ZNF33A: variants seen among roughly 807,000 people sequenced by gnomAD.
ZNF33A encodes brain my041 protein.
ZNF33A carries 9 observed loss-of-function variants against 15.9 expected under a neutral mutation model. The ratio of observed to expected loss-of-function variants is 0.57; its 90% confidence interval spans 0.34 to 0.99. The LOEUF (loss-of-function observed/expected upper bound fraction) is 0.99. Ranked by LOEUF, ZNF33A falls within the 50% of genes least tolerant of loss-of-function variation. The pLI is 0.02. For synonymous variants in ZNF33A, 294 were observed against 324.2 expected (o/e 0.91, Z 1.00); for missense variants, 843 against 941.6 (o/e 0.90, Z 1.37).
chr10:38,062,428 CTA>C (rs1351105247), downstream of ZNF33A, among the ~76,000 whole-genome samples: 1 of 152,122 alleles, frequency 6.6e-6, no homozygotes, highest in Admixed American at 6.5e-5. Context: ...TGTTGGGACA[CTA>C]TTGAAAAAAA....
chr10:38,053,934 T>C (rs1030939981), intron 4 of ZNF33A, among the ~76,000 whole-genome samples: 3 of 152,210 alleles, frequency 2.0e-5, no homozygotes, highest in Admixed American at 2.0e-4. Flanking sequence ...CTTTTTTCTG[T>C]ATTTGAGTAT....
intron 4 of ZNF33A, among the ~76,000 whole-genome samples, chr10:38,034,551 CTT>C (rs2065355484): frequency 1.3e-5 from 2 of 152,146 alleles, no homozygotes; most frequent in African/African-American, 4.8e-5. Flanking sequence ...TGTTTTATGA[CTT>C]TTGATGTTGG....
In ZNF33A at chr10:38,055,427, C is replaced by T. The variant is rs1224862222; in HGVS notation, c.1303C>T (p.His435Tyr). 2 of 1,613,990 alleles carry T rather than the reference C, an allele frequency of 1.2e-6. No homozygotes were observed. The highest frequency in any genetic ancestry group is 2.7e-5 in the African/African-American group (2 of 74,916). Residue 435 changes from histidine (H) to tyrosine (Y), a missense_variant, in exon 5 of 5, where the codon CAC (histidine) becomes TAC (tyrosine). Transcript: ENST00000432900. The stretch of plus-strand genomic sequence containing the variant: ...TGACCTCACTAAACATCAGAGAACA[C>T]ACACAGGGCTGAAACCCTATGAATG... ...KSDLTKHQRT[H>Y]TGLKPYECYE...
intron 4 of ZNF33A, among the ~76,000 whole-genome samples, chr10:38,022,657 CAAAAAAAAA>C (rs35295191): frequency 2.2e-5 from 2 of 90,932 alleles, no homozygotes; most frequent in African/African-American, 8.5e-5. Flanking sequence ...AACTCTGTCT[CAAAAAAAAA>C]AAAAAAAAAA....
chr10:38,024,169 A>AAAC (rs1222395240), intron 4 of ZNF33A, among the ~76,000 whole-genome samples: 1 of 140,780 alleles, frequency 7.1e-6, no homozygotes, highest in African/African-American at 2.5e-5. Context: ...AAAACAAAAA[A>AAAC]AAAAAAAAAA....
At chr10:38,020,283 T>C (rs1276136882) in intron 4 of ZNF33A, among the ~76,000 whole-genome samples, 1 of 152,184 alleles carries the variant, frequency 6.6e-6, no homozygotes, top group Non-Finnish European at 1.5e-5. Context: ...GTACAGATGT[T>C]TTGATACAGG....
At chr10:38,015,957 A>G (rs1368956938) in intron 2 of ZNF33A, 25 of 1,230,108 alleles carry the variant, frequency 2.0e-5, no homozygotes, top group African/African-American at 4.7e-5. Flanking sequence ...TGGCTCTCCC[A>G]TTTTCACAGC....
At chr10:38,031,090 T>A (rs1030310508) in intron 4 of ZNF33A, among the ~76,000 whole-genome samples, 2 of 152,192 alleles carry the variant, frequency 1.3e-5, no homozygotes, top group African/African-American at 4.8e-5. Flanking sequence ...GCAAAATTTA[T>A]AGAACTAAAT....
chr10:38,055,192 C>T lies in ZNF33A; in HGVS notation c.1068C>T (p.Pro356=). 1 of 1,614,126 alleles carries T rather than the reference C, an allele frequency of 6.2e-7. No homozygotes were observed. Among genetic ancestry groups the T allele is most frequent in the South Asian group, 1.1e-5 (1 of 91,082 alleles). ...AGAGGGTGCACACAGGACAGAAACC[C>T]TTTCAATGTAATGAATGTGAAAAAG... The part of the protein sequence containing the change: ...RHQRVHTGQK[P]FQCNECEKAF... Residue 356 remains proline (P), a synonymous_variant, in exon 5 of 5, where the codon CCC becomes CCT. Transcript: ENST00000432900.
chr10:38,035,191 C>T (rs1252426178), intron 4 of ZNF33A, among the ~76,000 whole-genome samples: 1 of 136,206 alleles, frequency 7.3e-6, no homozygotes, highest in Admixed American at 8.2e-5. Context: ...GATCTCAGCT[C>T]ACGGCAACCT....
At chr10:38,040,531 T>A (rs1368338185) in intron 4 of ZNF33A, among the ~76,000 whole-genome samples, 2 of 152,198 alleles carry the variant, frequency 1.3e-5, no homozygotes, top group Non-Finnish European at 2.9e-5. Flanking sequence ...GATTGACCCT[T>A]TTATTGTTAT....
At chr10:38,035,823 TAAAAG>T (rs374387778) in intron 4 of ZNF33A, among the ~76,000 whole-genome samples, 161 of 152,222 alleles carry the variant, frequency 1.1e-3, no homozygotes, top group Middle Eastern at 6.8e-3. Context: ...AAAGCTTTCA[TAAAAG>T]AAAAGAAAAG....
At chr10:38,061,547 C>T (rs2066653740), downstream of ZNF33A, among the ~76,000 whole-genome samples, 3 of 152,106 alleles carry the variant, frequency 2.0e-5, no homozygotes, top group Non-Finnish European at 4.4e-5. Context: ...GGCCTGATGG[C>T]CTACACCTGG....
At chr10:38,033,646 G>T (rs2065312288) in intron 4 of ZNF33A, among the ~76,000 whole-genome samples, 2 of 151,560 alleles carry the variant, frequency 1.3e-5, no homozygotes, top group South Asian at 4.1e-4. Context: ...TACCAATCCA[G>T]TAGTTGTAAA....
downstream of ZNF33A, chr10:38,064,308 T>A (rs145450837): frequency 1.7e-3 from 963 of 562,196 alleles, 5 homozygotes; most frequent in African/African-American, 0.017. Context: ...AAAGAGACAT[T>A]TCTACTTCAA....
rs149440365 is a variant in ZNF33A at position 38,056,290 on chromosome 10, A to G, written c.2166A>G (p.Gln722=). The G allele has an allele frequency of 1.5e-4, 238 of 1,614,128 alleles. 1 individual carries two copies. Among genetic ancestry groups the G allele is most frequent in the Non-Finnish European group, 1.9e-4 (219 of 1,179,974 alleles). Reference sequence around the variant, plus strand: ...CTCACACAGGAGAGAAATCTTGTCAATGTAATGAATGTGGAAAAATCTTTT... The same window carrying G: ...CTCACACAGGAGAGAAATCTTGTCAGTGTAATGAATGTGGAAAAATCTTTT... ...HRAHTGEKSC[Q]CNECGKIFYR... is the part of the protein sequence containing the mutation. Residue 722 remains glutamine, a synonymous_variant, in exon 5 of 5, where the codon CAA becomes CAG. Transcript: ENST00000432900.
intron 4 of ZNF33A, among the ~76,000 whole-genome samples, chr10:38,020,510 A>T (rs1399325159): frequency 1.3e-5 from 2 of 151,764 alleles, no homozygotes; most frequent in African/African-American, 4.8e-5. Context: ...CCACCCCACT[A>T]CCTTTCCCAG....
At position 38,055,889 on chromosome 10, in the gene ZNF33A, A is replaced by G. The variant is rs2066454831; in HGVS notation, c.1765A>G (p.Ile589Val). ...CTACGAATGTCATGAATGTGGAAAAATCTTTTACAATAAATCATACCTAAC... is the reference window on the plus strand; with the variant it reads ...CTACGAATGTCATGAATGTGGAAAAGTCTTTTACAATAAATCATACCTAAC... ...KPYECHECGK[I>V]FYNKSYLTKH... is the part of the protein sequence containing the mutation. Residue 589 changes from isoleucine to valine, a missense_variant, in exon 5 of 5, where the codon ATC (isoleucine) becomes GTC (valine). Physicochemically the swap from Ile to Val is conservative, Grantham distance 29. Transcript: ENST00000432900. The G allele has an allele frequency of 1.2e-6, 2 of 1,613,872 alleles. No homozygotes were observed. Among genetic ancestry groups the G allele is most frequent in the Non-Finnish European group, 1.7e-6 (2 of 1,179,946 alleles).
At chr10:38,013,810 C>T (rs2064313086) in intron 2 of ZNF33A, among the ~76,000 whole-genome samples, 1 of 151,998 alleles carries the variant, frequency 6.6e-6, no homozygotes, top group African/African-American at 2.4e-5. Flanking sequence ...AAATATAGAA[C>T]TTAATGAATT....
Sources: allele counts gnomAD v4.1 joint callset (sites outside exome capture counted in the v4.1 genomes callset), GRCh38; gene constraint gnomAD v4.1.1; transcripts MANE v1.5; gene names NCBI Gene and HGNC (gene_info 2026-07-23, HGNC 2026-07-21).